KLHL35: variants seen among roughly 807,000 people sequenced by gnomAD.
The protein encoded by KLHL35 is kelch-like protein 35.
Under a neutral mutation model 44.0 loss-of-function variants are expected in KLHL35, and 50 were observed. That is an observed-to-expected ratio of 1.14 (90% CI 0.91 to 1.44). The LOEUF (loss-of-function observed/expected upper bound fraction) is 1.44, where lower values mean the gene tolerates loss of function less well. KLHL35 is among the 40% of genes most tolerant of loss of function. The probability of loss-of-function intolerance (pLI) is 0.00; values close to 1 mark genes in which losing one functional copy is unlikely to be tolerated. For missense variants in KLHL35, 1,049 were observed against 887.8 expected, an observed-to-expected ratio of 1.18 and a Z score of -2.31; for synonymous variants, 470 against 410.4, an observed-to-expected ratio of 1.15 and a Z score of -1.76.
At chr11:75,432,975 A>G (rs961636540) in intron 1 of KLHL35, among the ~76,000 whole-genome samples, 68 bp downstream of exon 1, 1 of 152,158 alleles carries the variant, frequency 6.6e-6, no homozygotes, top group Non-Finnish European at 1.5e-5. Context: ...CCCATCTCAG[A>G]CTTGCGGACA....
rs1948468429 is a variant in KLHL35, at chr11:75,423,686, A to G, written c.1563+6T>C. 1.2e-6 allele frequency: 2 copies of G among 1,612,798 alleles called. No individual in the cohort carries two copies. The highest frequency in any genetic ancestry group is 1.7e-6 in the Non-Finnish European group (2 of 1,179,232). The stretch of plus-strand genomic sequence containing the variant: ...TCCGCTCTCCTGCCTTGAAGCCTCC[A>G]CTTACCACAGGGCTGGGGAGGACAG... On this transcript the variant is annotated splice_donor_region_variant and intron_variant, in intron 6 of 6. Transcript: ENST00000539798.
chr11:75,423,926 A>T, intron 5 of KLHL35, 46 bp from the exon 6 acceptor site: 1 of 1,417,146 alleles, frequency 7.1e-7, no homozygotes, highest in Non-Finnish European at 9.6e-7. Flanking sequence ...GCCCCCCCCA[A>T]CAAATGCCCC....
At chr11:75,429,680 A>T in intron 2 of KLHL35, 69 bp downstream of exon 2, 1 of 1,383,980 alleles carries the variant, frequency 7.2e-7, no homozygotes, top group Non-Finnish European at 9.3e-7. Context: ...AAGATGATGA[A>T]AGAATGAATG....
Position 75,430,249 on chromosome 11 carries a change from C to T in KLHL35, c.381G>A (p.Leu127=). 2 of 1,213,482 alleles carry T rather than the reference C, an allele frequency of 1.6e-6. No individual in the cohort carries two copies. The highest frequency in any genetic ancestry group is 4.2e-5 in the East Asian group (1 of 23,612). 75.2% of individuals were successfully genotyped at this position (1,213,482 alleles called of 1,614,324 possible). ...LRAEDEAAAV[L]ALAERLGVAG... Reference sequence around the variant, plus strand: ...CCACGCCCAGCCGCTCCGCCAGCGCCAGCACGGCCGCCGCCTCGTCCTCCG... The same window carrying T: ...CCACGCCCAGCCGCTCCGCCAGCGCTAGCACGGCCGCCGCCTCGTCCTCCG... Residue 127 remains leucine (L), a synonymous_variant, in exon 2 of 7, where the codon CTG becomes CTA. Coordinates refer to ENST00000539798, the MANE Select transcript of KLHL35 (RefSeq NM_001039548.3).
intron 2 of KLHL35, 97 bp downstream of exon 2, chr11:75,429,652 A>G: frequency 7.6e-7 from 1 of 1,320,022 alleles, no homozygotes. Flanking sequence ...ACTGAATATC[A>G]TCAAGAGGCA....
chr11:75,425,818 G>A (rs1948486841), intron 4 of KLHL35: 1 of 405,306 alleles, frequency 2.5e-6, no homozygotes, highest in Non-Finnish European at 4.3e-6. Context: ...TAACCTGCAT[G>A]GTTACAGCTG....
In KLHL35 at chr11:75,430,240, C is replaced by T. The variant is rs1948524471; in HGVS notation, c.390G>A (p.Ala130=). Residue 130 remains alanine, a synonymous_variant, in exon 2 of 7, where the codon GCG becomes GCA. Transcript: ENST00000539798. ...EDEAAAVLAL[A]ERLGVAGLRE... ...GCAGGCCCGCCACGCCCAGCCGCTCCGCCAGCGCCAGCACGGCCGCCGCCT... is the reference window on the plus strand; with the variant it reads ...GCAGGCCCGCCACGCCCAGCCGCTCTGCCAGCGCCAGCACGGCCGCCGCCT... The T allele has an allele frequency of 4.1e-6, 5 of 1,215,986 alleles. No homozygotes were observed. Among genetic ancestry groups the T allele is most frequent in the Non-Finnish European group, 5.1e-6 (5 of 975,226 alleles). The allele number at this position is 1,215,986 out of a possible 1,614,324, so 75.3% of individuals were successfully genotyped here. A position where few individuals can be genotyped will look rare whatever the true frequency, so the allele number is the denominator to read the frequency against.
intron 2 of KLHL35, among the ~76,000 whole-genome samples, chr11:75,429,298 G>T (rs1465026952): frequency 6.6e-6 from 1 of 152,222 alleles, no homozygotes; most frequent in Non-Finnish European, 1.5e-5. Context: ...GTGTTAGAGA[G>T]AGTGTCGTCT....
intron 5 of KLHL35, 81 bp downstream of exon 5, chr11:75,425,312 T>C (rs140051239): frequency 7.2e-7 from 1 of 1,397,674 alleles, no homozygotes; most frequent in African/African-American, 1.5e-5. Flanking sequence ...GACAAGGGCA[T>C]GGAAACGCCC....
At position 75,422,726 on chromosome 11, in the gene KLHL35, G is replaced by A; in HGVS notation, c.1606C>T (p.Leu536Phe). 1 of 1,614,000 alleles carries A rather than the reference G, an allele frequency of 6.2e-7. No individual in the cohort carries two copies. The highest frequency in any genetic ancestry group is 8.5e-7 in the Non-Finnish European group (1 of 1,179,864). The change falls in exon 7 of 7, where the codon CTT becomes TTT. Residue 536 changes from leucine to phenylalanine, a missense_variant. Coordinates refer to ENST00000539798, the MANE Select transcript of KLHL35 (RefSeq NM_001039548.3). ...TCTCCGCGATCATCCCGCCCGCCAA[G>A]GATGTGGACCTTCCCGTCACACACA... ...VTVCDGKVHILGGRDDRGEST... is the reference protein window; with the variant it reads ...VTVCDGKVHIFGGRDDRGEST...
At position 75,430,370 on chromosome 11, in the gene KLHL35, A is replaced by C; in HGVS notation, c.260T>G (p.Val87Gly). The change falls in exon 2 of 7, where the codon GTA becomes GGA. Residue 87 changes from valine (V) to glycine (G), a missense_variant. Physicochemically the swap from Val to Gly is moderately radical, Grantham distance 109. Coordinates refer to ENST00000539798, the MANE Select transcript of KLHL35 (RefSeq NM_001039548.3). ...GCTCGTGCCTGGCGCCTCGGGAGCT[A>C]CTGGCACCACTGGCACCACGGCCGG... is the stretch of plus-strand genomic sequence containing the variant. Reference protein sequence around the residue: ...RGPAVVPVVPVAPEAPGTSPA... With the variant: ...RGPAVVPVVPGAPEAPGTSPA... 1.5e-6 allele frequency: 2 copies of C among 1,346,800 alleles called. No homozygotes were observed. The highest frequency in any genetic ancestry group is 1.9e-6 in the Non-Finnish European group (2 of 1,046,812). The allele number at this position is 1,346,800 out of a possible 1,614,324, so 83.4% of individuals were successfully genotyped here.
rs1948523781 is a variant in KLHL35 at position 75,430,188 on chromosome 11, C to A, written c.442G>T (p.Gly148Cys). ...LREACVRFLE[G>C]RLRAANSLAL... ...AGGCTGTTGGCGGCGCGCAGGCGGC[C>A]CTCGAGAAAGCGCACGCAGGCCTCG... The change falls in exon 2 of 7, where the codon GGC (glycine) becomes TGC (cysteine). Residue 148 changes from glycine (G) to cysteine (C), a missense_variant. Transcript: ENST00000539798. 4.0e-6 allele frequency: 5 copies of A among 1,243,538 alleles called. No individual in the cohort carries two copies. The South Asian group carries it at 7.3e-5, about 18-fold the overall frequency. The allele number at this position is 1,243,538 out of a possible 1,614,324, so 77.0% of individuals were successfully genotyped here. A position where few individuals can be genotyped will look rare whatever the true frequency, so the allele number is the denominator to read the frequency against.
chr11:75,428,990 C>A (rs1020527385), intron 2 of KLHL35, among the ~76,000 whole-genome samples: 1 of 152,196 alleles, frequency 6.6e-6, no homozygotes, highest in African/African-American at 2.4e-5. Flanking sequence ...CATACCATGG[C>A]GTGCCCAAAG....
At chr11:75,423,481 C>G (rs1045670546) in intron 6 of KLHL35, 1 of 573,970 alleles carries the variant, frequency 1.7e-6, no homozygotes, top group Non-Finnish European at 3.1e-6. Context: ...TCTGCCTTAA[C>G]AGGGCCTAGT....
chr11:75,426,381 AT>A (rs1948492484), intron 4 of KLHL35, 138 bp downstream of exon 4: 6 of 573,138 alleles, frequency 1.0e-5, no homozygotes, highest in Non-Finnish European at 1.6e-5. Context: ...AGCCATTATT[AT>A]GTGACCTTGG....
chr11:75,425,743 C>T (rs1948486353), intron 4 of KLHL35, 162 bp from the exon 5 acceptor site: 2 of 551,662 alleles, frequency 3.6e-6, no homozygotes, highest in Non-Finnish European at 5.9e-6. Flanking sequence ...ACCACCTGGG[C>T]AGCCTCCACC....
rs1174680909 is a variant in KLHL35 at position 75,429,813 on chromosome 11, G to C, written c.817C>G (p.Leu273Val). The C allele has an allele frequency of 6.6e-7, 1 of 1,511,318 alleles. No individual in the cohort carries two copies. Among genetic ancestry groups the C allele is most frequent in the Non-Finnish European group, 8.8e-7 (1 of 1,137,048 alleles). 93.6% of individuals were successfully genotyped at this position (1,511,318 alleles called of 1,614,324 possible). The change falls in exon 2 of 7, where the codon CTC becomes GTC. Residue 273 changes from leucine (L) to valine (V), a missense_variant. Leu to Val is a conservative substitution (Grantham distance 32). Transcript: ENST00000539798. ...AGGATGAAGCAGGCGCGAGCCTCGA[G>C]CAGCAGCGGGCGGCACTCGCCGCAG... ...QACGECRPLL[L>V]EARACFILGR...
intron 3 of KLHL35, among the ~76,000 whole-genome samples, chr11:75,427,324 G>A (rs1226609040): frequency 6.6e-6 from 1 of 152,144 alleles, no homozygotes; most frequent in Non-Finnish European, 1.5e-5. Context: ...GCAGGATGTG[G>A]ACTCTCCCTT....
rs1472762459 is a variant in KLHL35 at position 75,429,950 on chromosome 11, T to A, written c.680A>T (p.Asp227Val). Residue 227 changes from aspartate to valine, a missense_variant, in exon 2 of 7, where the codon GAC becomes GTC. Asp to Val is a radical substitution (Grantham distance 152). Transcript: ENST00000539798. Reference protein sequence around the residue: ...FEAAMRWVRHDAPARRGQLRR... With the variant: ...FEAAMRWVRHVAPARRGQLRR... ...CAGCTGGCCGCGGCGGGCCGGCGCG[T>A]CGTGGCGCACCCAGCGCATGGCCGC... 2.8e-6 allele frequency: 4 copies of A among 1,452,242 alleles called. No homozygotes were observed. The allele number at this position is 1,452,242 out of a possible 1,614,324, so 90.0% of individuals were successfully genotyped here. A position where few individuals can be genotyped will look rare whatever the true frequency, so the allele number is the denominator to read the frequency against.
Sources: gnomAD v4.1 joint callset for allele counts (sites outside exome capture counted in the v4.1 genomes callset) on GRCh38, gnomAD v4.1.1 for gene constraint, MANE v1.5 for transcripts, NCBI Gene and HGNC (gene_info 2026-07-23, HGNC 2026-07-21) for gene names.